PTPRT: variants seen among roughly 807,000 people sequenced by gnomAD.
The protein encoded by PTPRT is receptor-type tyrosine-protein phosphatase T.
PTPRT carries 56 observed loss-of-function variants against 176.8 expected under a neutral mutation model. The ratio of observed to expected loss-of-function variants is 0.32; its 90% CI spans 0.26 to 0.40. The LOEUF is 0.40. Among genes scored for constraint, PTPRT ranks in the 10% least tolerant of loss-of-function variants. The probability of loss-of-function intolerance (pLI) is 1.00; values close to 1 mark genes in which losing one functional copy is unlikely to be tolerated. For synonymous variants in PTPRT, 783 were observed against 739.0 expected, an observed-to-expected ratio of 1.06 and a Z score of -0.96; for missense variants, 1,540 against 1,908.2, an observed-to-expected ratio of 0.81 and a Z score of 3.60.
At chr20:42,584,334 C>G (rs2073432877) in intron 7 of PTPRT, among the ~76,000 whole-genome samples, 1 of 152,182 alleles carries the variant, frequency 6.6e-6, no homozygotes, top group South Asian at 2.1e-4. Context: ...ATGGCTGAAC[C>G]TGCTCCAGCC....
intron 2 of PTPRT, among the ~76,000 whole-genome samples, chr20:42,868,086 A>C (rs1333192054): frequency 6.6e-6 from 1 of 152,188 alleles, no homozygotes; most frequent in Non-Finnish European, 1.5e-5. Flanking sequence ...AAAATGTGGA[A>C]GTGGCTTTAG....
At chr20:42,113,736 TC>T (rs1987133551) in intron 22 of PTPRT, among the ~76,000 whole-genome samples, 1 of 152,168 alleles carries the variant, frequency 6.6e-6, no homozygotes, top group African/African-American at 2.4e-5. Context: ...CTGGGAGAGC[TC>T]CCCTGATATA....
At chr20:42,122,459 C>G (rs1297447981) in intron 19 of PTPRT, among the ~76,000 whole-genome samples, 1 of 152,138 alleles carries the variant, frequency 6.6e-6, no homozygotes, top group Non-Finnish European at 1.5e-5. Flanking sequence ...GAAGACCTAT[C>G]CCTTCCTCCA....
At chr20:42,755,458 G>A (rs1453859183) in intron 6 of PTPRT, among the ~76,000 whole-genome samples, 1 of 152,022 alleles carries the variant, frequency 6.6e-6, no homozygotes, top group African/African-American at 2.4e-5. Flanking sequence ...AATAAGAAAA[G>A]CTTCATTATT....
chr20:42,137,441 T>C (rs1988429712), intron 18 of PTPRT, among the ~76,000 whole-genome samples: 1 of 152,174 alleles, frequency 6.6e-6, no homozygotes. Context: ...TCATCTGCTC[T>C]GAGGTTGGGC....
intron 3 of PTPRT, among the ~76,000 whole-genome samples, chr20:42,785,465 TG>T (rs1276338748): frequency 6.6e-6 from 1 of 152,220 alleles, no homozygotes; most frequent in Non-Finnish European, 1.5e-5. Context: ...CTAGTGTCAT[TG>T]GATTTTCTGA....
In PTPRT at chr20:42,108,888, G is replaced by A. The variant is rs78592096; in HGVS notation, c.3254+1445C>T. ...ATGACCTGCTAAGGAGACACATACC[G>A]GCGTAGAGCCATCATGCGCCGAAGT... On this transcript the variant is annotated intron_variant, in intron 23 of 30. Transcript: ENST00000373187. Among the ~76,000 whole-genome samples the A allele has an allele frequency of 5.3e-5, 8 of 152,306 alleles. No individual in the cohort carries two copies. In the East Asian group the frequency reaches 9.6e-4, roughly 18 times the overall value.
At chr20:42,829,440 ATG>A (rs1248168289) in intron 2 of PTPRT, among the ~76,000 whole-genome samples, 1 of 152,204 alleles carries the variant, frequency 6.6e-6, no homozygotes, top group Non-Finnish European at 1.5e-5. Context: ...TTAGAAGGCC[ATG>A]ATTGGCCAGG....
Position 43,033,446 on chromosome 20 carries a change from T to C in PTPRT, c.89-147514A>G, listed in dbSNP as rs73907456. On this transcript the variant is annotated intron_variant, in intron 1 of 30. Transcript: ENST00000373187. ...CACCAGGACCCATAAGTGAAGGCAT[T>C]TGGGAGCTCACACCTTCAGAAGCTG... Among the ~76,000 whole-genome samples, 879 of 152,046 alleles carry C rather than the reference T, an allele frequency of 5.8e-3. 13 individuals are homozygous for C. Among genetic ancestry groups the C allele is most frequent in the African/African-American group, 0.021 (856 of 41,486 alleles).
In PTPRT at chr20:42,119,919, G is replaced by A. The variant is rs1987496915; in HGVS notation, c.2884+16C>T. 3 of 1,606,156 alleles carry A rather than the reference G, an allele frequency of 1.9e-6. No individual in the cohort carries two copies. The highest frequency in any genetic ancestry group is 2.6e-6 in the Non-Finnish European group (3 of 1,175,722). The stretch of plus-strand genomic sequence containing the variant: ...TGAAGCCTCTCTGAGGCACTAGGTG[G>A]AGGGAGGGCACTTACCTTGAGTCGC... On this transcript the variant is annotated intron_variant, in intron 20 of 30. Transcript: ENST00000373187.
intron 2 of PTPRT, among the ~76,000 whole-genome samples, chr20:42,841,144 A>G (rs560894740): frequency 6.6e-6 from 1 of 152,074 alleles, no homozygotes; most frequent in South Asian, 2.1e-4. Context: ...ATCCCACCCC[A>G]TCCAGCTGCA....
intron 7 of PTPRT, among the ~76,000 whole-genome samples, chr20:42,625,853 C>T (rs562031912): frequency 2.6e-5 from 4 of 151,940 alleles, no homozygotes; most frequent in African/African-American, 9.6e-5. Flanking sequence ...ATATTCCTAC[C>T]TTGAGTGCTT....
intron 3 of PTPRT, among the ~76,000 whole-genome samples, chr20:42,788,322 C>A (rs1238806022): frequency 6.6e-6 from 1 of 152,076 alleles, no homozygotes; most frequent in African/African-American, 2.4e-5. Context: ...GACTGACAAG[C>A]AGATGAGAAT....
chr20:42,890,924 G>A (rs780633463), intron 1 of PTPRT, among the ~76,000 whole-genome samples: 3 of 152,124 alleles, frequency 2.0e-5, no homozygotes, highest in African/African-American at 4.8e-5. Context: ...AGTAAGTCTC[G>A]CAAGATCTGA....
At chr20:42,662,699 G>T (rs1422296837) in intron 7 of PTPRT, among the ~76,000 whole-genome samples, 1 of 152,080 alleles carries the variant, frequency 6.6e-6, no homozygotes, top group Admixed American at 6.6e-5. Context: ...ACTCTGATGG[G>T]ACTGAAAGCA....
chr20:42,127,328 G>A (rs1223790389), intron 19 of PTPRT, among the ~76,000 whole-genome samples: 1 of 152,148 alleles, frequency 6.6e-6, no homozygotes, highest in Admixed American at 6.5e-5. Context: ...GCCCAAGGAA[G>A]GGAGTGAGAT....
chr20:42,272,895 TC>T (rs896052004), intron 13 of PTPRT, among the ~76,000 whole-genome samples: 10 of 152,186 alleles, frequency 6.6e-5, no homozygotes, highest in Admixed American at 6.5e-4. Flanking sequence ...GCATACCTAC[TC>T]CCTTGGCTTG....
rs1302875315 is a variant in PTPRT, at chr20:42,965,768, A to ATT, written c.89-79837_89-79836insAA. Among the ~76,000 whole-genome samples, 113 of 152,334 alleles carry ATT rather than the reference A, an allele frequency of 7.4e-4. 1 individual carries two copies. The highest frequency in any genetic ancestry group is 3.4e-3 in the Middle Eastern group (1 of 294). On this transcript the variant is annotated intron_variant, in intron 1 of 30. Coordinates refer to ENST00000373187, the MANE Select transcript of PTPRT (RefSeq NM_007050.6). Reference sequence around the variant, plus strand: ...ACTGATGTTGATTTTCTTTCAATTCATCTATACATTTAAGAAATCCCAAAC... The same window carrying ATT: ...ACTGATGTTGATTTTCTTTCAATTCATTTCTATACATTTAAGAAATCCCAAAC...
chr20:42,280,076 T>C (rs2057113689), intron 13 of PTPRT, among the ~76,000 whole-genome samples: 1 of 152,146 alleles, frequency 6.6e-6, no homozygotes, highest in South Asian at 2.1e-4. Context: ...TTAAAAAGAA[T>C]ACTGTTTTCA....
Sources: gnomAD v4.1 joint callset for allele counts (sites outside exome capture counted in the v4.1 genomes callset) on GRCh38, gnomAD v4.1.1 for gene constraint, MANE v1.5 for transcripts, NCBI Gene and HGNC (gene_info 2026-07-23, HGNC 2026-07-21) for gene names.